The following CALN1 variants were observed in gnomAD, a reference collection of about 807,000 sequenced individuals.
CALN1 encodes the protein calneuron 1.
CALN1 carries 17 observed loss-of-function variants against 30.6 expected under a neutral mutation model. The observed-to-expected ratio is 0.56, with a 90% CI of 0.38 to 0.83. The LOEUF (loss-of-function observed/expected upper bound fraction) is 0.83, where lower values mean the gene tolerates loss of function less well. Among genes scored for constraint, CALN1 ranks in the 40% least tolerant of loss-of-function variants. The pLI is 0.00. For synonymous variants in CALN1, 156 were observed against 131.4 expected, an observed-to-expected ratio of 1.19 and a Z score of -1.28; for missense variants, 291 against 354.9, an observed-to-expected ratio of 0.82 and a Z score of 1.45.
chr7:72,090,363 T>C (rs1482994984), intron 4 of CALN1, among the ~76,000 whole-genome samples: 1 of 152,130 alleles, frequency 6.6e-6, no homozygotes, highest in East Asian at 1.9e-4. Flanking sequence ...GGAAATTAAA[T>C]TGTAAGATGG....
chr7:72,110,351 T>A (rs1361165474), intron 3 of CALN1, among the ~76,000 whole-genome samples: 1 of 152,178 alleles, frequency 6.6e-6, no homozygotes, highest in Non-Finnish European at 1.5e-5. Context: ...AGTCAGACCA[T>A]AGATGGAGGT....
At chr7:71,861,462 GTTA>G (rs1338726847) in intron 5 of CALN1, among the ~76,000 whole-genome samples, 2 of 151,954 alleles carry the variant, frequency 1.3e-5, no homozygotes, top group Non-Finnish European at 2.9e-5. Flanking sequence ...GATCTCATAG[GTTA>G]TCAAATCTGT....
intron 2 of CALN1, among the ~76,000 whole-genome samples, chr7:72,286,642 C>T (rs898226972): frequency 2.0e-5 from 3 of 152,224 alleles, no homozygotes; most frequent in Non-Finnish European, 2.9e-5. Context: ...TTTGGCTAAG[C>T]ACTTATGAAA....
At chr7:72,070,571 C>T (rs917573247) in intron 4 of CALN1, among the ~76,000 whole-genome samples, 8 of 152,280 alleles carry the variant, frequency 5.3e-5, no homozygotes, top group South Asian at 2.1e-4. Context: ...TCTCCCACTT[C>T]GTTCTTCTTC....
At chr7:71,847,857 A>AGAAGAAGAAGAG (rs1790410176) in intron 5 of CALN1, among the ~76,000 whole-genome samples, 1 of 151,386 alleles carries the variant, frequency 6.6e-6, no homozygotes, top group South Asian at 2.1e-4. Flanking sequence ...GAGAAGAAGA[A>AGAAGAAGAAGAG]GAGGAAAGTT....
the CALN1 span, among the ~76,000 whole-genome samples, chr7:72,467,941 A>C: frequency 6.6e-6 from 1 of 152,170 alleles, no homozygotes; most frequent in Non-Finnish European, 1.5e-5. Flanking sequence ...ATTTACCTAT[A>C]TTCTGGATAT....
intron 3 of CALN1, among the ~76,000 whole-genome samples, chr7:72,208,680 T>C (rs1024796742): frequency 1.3e-5 from 2 of 152,220 alleles, no homozygotes; most frequent in African/African-American, 4.8e-5. Context: ...TGGATGTATA[T>C]TAATTTGTAA....
intron 2 of CALN1, among the ~76,000 whole-genome samples, chr7:72,383,168 G>A (rs1805013468): frequency 6.6e-6 from 1 of 152,172 alleles, no homozygotes; most frequent in African/African-American, 2.4e-5. Context: ...CACCGCTGAT[G>A]AGCAGCTAGG....
chr7:72,159,191 T>A (rs1367315239), intron 3 of CALN1, among the ~76,000 whole-genome samples: 2 of 152,140 alleles, frequency 1.3e-5, no homozygotes, highest in Non-Finnish European at 2.9e-5. Flanking sequence ...ACAAAAAGCC[T>A]CTCACTGATG....
At chr7:71,976,083 T>A (rs1584657344) in intron 5 of CALN1, among the ~76,000 whole-genome samples, 1 of 151,800 alleles carries the variant, frequency 6.6e-6, no homozygotes, top group East Asian at 2.0e-4. Flanking sequence ...ACTGAGAGGA[T>A]TCTCAAGACA....
chr7:72,095,430 A>G (rs570229068), intron 4 of CALN1, among the ~76,000 whole-genome samples: 2 of 152,330 alleles, frequency 1.3e-5, no homozygotes, highest in South Asian at 4.1e-4. Flanking sequence ...ATAATTCACT[A>G]ACACAGAGTG....
At chr7:72,261,428 T>G (rs1257501911) in intron 3 of CALN1, among the ~76,000 whole-genome samples, 1 of 25,246 alleles carries the variant, frequency 4.0e-5, no homozygotes, top group Non-Finnish European at 7.3e-5. Context: ...TTTCAGAAGC[T>G]TTTTTTTTTT....
intron 5 of CALN1, among the ~76,000 whole-genome samples, chr7:71,994,278 G>C (rs1250453069): frequency 1.3e-5 from 2 of 152,144 alleles, no homozygotes; most frequent in Non-Finnish European, 2.9e-5. Flanking sequence ...TTGGGAGACT[G>C]AGGCAGGCGG....
At chr7:71,884,414 G>A (rs1199685646) in intron 5 of CALN1, among the ~76,000 whole-genome samples, 1 of 151,964 alleles carries the variant, frequency 6.6e-6, no homozygotes, top group African/African-American at 2.4e-5. Context: ...CATCCTATCT[G>A]AATACTGTGA....
At chr7:72,118,879 C>CAA (rs1273662109) in intron 3 of CALN1, among the ~76,000 whole-genome samples, 3 of 152,136 alleles carry the variant, frequency 2.0e-5, no homozygotes, top group Non-Finnish European at 4.4e-5. Context: ...TCAACAGCTG[C>CAA]AAGTCCAGAG....
chr7:72,181,523 G>C (rs1789808166), intron 3 of CALN1, among the ~76,000 whole-genome samples: 1 of 147,992 alleles, frequency 6.8e-6, no homozygotes, highest in South Asian at 2.1e-4. Flanking sequence ...CTGTCACCCA[G>C]GCTGGAGTGC....
At chr7:72,044,209 T>C (rs755725983) in intron 4 of CALN1, among the ~76,000 whole-genome samples, 12 of 152,046 alleles carry the variant, frequency 7.9e-5, no homozygotes, top group Admixed American at 6.5e-5. Flanking sequence ...CTCCTCCAAA[T>C]AGCAGAACAG....
intron 5 of CALN1, among the ~76,000 whole-genome samples, chr7:71,838,847 G>A (rs576948857): frequency 1.3e-5 from 2 of 152,202 alleles, no homozygotes; most frequent in African/African-American, 4.8e-5. Context: ...TGCCATGATT[G>A]TAAGTTTCCT....
At chr7:71,821,403 G>T (rs1304163546) in intron 5 of CALN1, among the ~76,000 whole-genome samples, 2 of 152,130 alleles carry the variant, frequency 1.3e-5, no homozygotes, top group Non-Finnish European at 2.9e-5. Context: ...GCTGGGGAGG[G>T]CTCACAATCA....
Sources: allele counts gnomAD v4.1 joint callset (sites outside exome capture counted in the v4.1 genomes callset), GRCh38; gene constraint gnomAD v4.1.1; transcripts MANE v1.5; gene names NCBI Gene and HGNC (gene_info 2026-07-23, HGNC 2026-07-21).